FAM135B: variants seen among roughly 807,000 people sequenced by gnomAD.
The protein encoded by FAM135B is protein FAM135B.
A neutral mutation model predicts 127.7 loss-of-function variants in FAM135B; 43 were observed. That is an observed-to-expected ratio of 0.34 (90% confidence interval 0.26 to 0.43). The LOEUF (loss-of-function observed/expected upper bound fraction) is 0.43. FAM135B is among the 20% of genes least tolerant of loss of function. The probability of loss-of-function intolerance (pLI) is 1.00; values close to 1 mark genes in which losing one functional copy is unlikely to be tolerated. For synonymous variants in FAM135B, 670 were observed against 665.1 expected (o/e 1.01, Z -0.11); for missense variants, 1,558 against 1,725.6 (o/e 0.90, Z 1.72).
In FAM135B at chr8:138,287,711, C is replaced by G. The variant is rs1824805502; in HGVS notation, c.158-21869G>C. ...CAGCCCCACCATGGCCAATTTAAAG[C>G]TACTGAAATGAAGTCACTAAAGGAG... is the stretch of plus-strand genomic sequence containing the variant. On this transcript the variant is annotated intron_variant, in intron 3 of 19. Coordinates refer to ENST00000395297, the MANE Select transcript of FAM135B (RefSeq NM_015912.4). Among the ~76,000 whole-genome samples the G allele has an allele frequency of 2.6e-5, 4 of 152,162 alleles. No individual in the cohort carries two copies. The South Asian group carries it at 8.3e-4, about 31-fold the overall frequency.
intron 1 of FAM135B, among the ~76,000 whole-genome samples, chr8:138,418,387 A>C (rs1415435235): frequency 6.6e-6 from 1 of 152,158 alleles, no homozygotes; most frequent in African/African-American, 2.4e-5. Context: ...ATTGTCCATA[A>C]AATTTCCCCA....
chr8:138,487,136 A>G (rs998377417), intron 1 of FAM135B, among the ~76,000 whole-genome samples: 1 of 152,104 alleles, frequency 6.6e-6, no homozygotes, highest in African/African-American at 2.4e-5. Flanking sequence ...GCCTCACTCT[A>G]AAGGTTGCGA....
chr8:138,202,638 G>C (rs935990706), intron 7 of FAM135B, among the ~76,000 whole-genome samples: 2 of 152,176 alleles, frequency 1.3e-5, no homozygotes, highest in Admixed American at 1.3e-4. Flanking sequence ...CACCTGAAAA[G>C]AGGGCACAGT....
chr8:138,187,425 G>A (rs1815682817), intron 9 of FAM135B, among the ~76,000 whole-genome samples: 1 of 152,150 alleles, frequency 6.6e-6, no homozygotes, highest in Admixed American at 6.5e-5. Context: ...TATTCTCTGT[G>A]AGAGAGACTT....
At chr8:138,457,926 G>C (rs1836886838) in intron 1 of FAM135B, among the ~76,000 whole-genome samples, 1 of 149,412 alleles carries the variant, frequency 6.7e-6, no homozygotes, top group South Asian at 2.1e-4. Context: ...GCAGTGAACT[G>C]AGATTCCGCC....
In FAM135B at chr8:138,215,495, C is replaced by A. The variant is rs182842789; in HGVS notation, c.670-17826G>T. On this transcript the variant is annotated intron_variant, in intron 7 of 19. Transcript: ENST00000395297. ...ATTACATAGCAAAGAGAACATTAGA[C>A]TTGGAATCTTGAATCTAGCATCTAA... Among the ~76,000 whole-genome samples, 366 of 152,244 alleles carry A rather than the reference C, an allele frequency of 2.4e-3. 1 individual carries two copies. Among genetic ancestry groups the A allele is most frequent in the Non-Finnish European group, 3.8e-3 (258 of 68,030 alleles).
At chr8:138,417,124 G>C (rs36094077) in intron 1 of FAM135B, among the ~76,000 whole-genome samples, 19,268 of 152,130 alleles carry the variant, frequency 0.13, 1,955 homozygotes, top group East Asian at 0.45. Context: ...ATCCTCCTAG[G>C]CTCACAATAC....
Position 138,243,148 on chromosome 8 carries a change from G to A in FAM135B, c.543-80C>T. On this transcript the variant is annotated intron_variant, in intron 6 of 19. Transcript: ENST00000395297. The surrounding 1 kb of genome is among the most constrained non-coding windows in gnomAD (Gnocchi z 7.5). ...CATTAACTCAGCCCCTTTGAGGAGT[G>A]TTCCTGTGAAGCATTTGGGATAAGT... is the stretch of plus-strand genomic sequence containing the variant. 2.0e-6 allele frequency: 3 copies of A among 1,496,728 alleles called. No individual in the cohort carries two copies. The highest frequency in any genetic ancestry group is 2.7e-6 in the Non-Finnish European group (3 of 1,119,216). 92.7% of individuals were successfully genotyped at this position (1,496,728 alleles called of 1,614,324 possible).
chr8:138,248,874 A>G (rs1821496109), intron 6 of FAM135B, among the ~76,000 whole-genome samples: 1 of 151,846 alleles, frequency 6.6e-6, no homozygotes. Context: ...AGTTCCTTTG[A>G]CTCATTCATT....
intron 17 of FAM135B, 36 bp from the exon 18 acceptor site, chr8:138,139,132 C>G (rs4634694): frequency 7.2e-7 from 1 of 1,383,700 alleles, no homozygotes. Context: ...ATCAAAAACA[C>G]AAAACAAAAC....
chr8:138,146,827 T>C (rs1246196584), intron 14 of FAM135B, among the ~76,000 whole-genome samples: 1 of 152,216 alleles, frequency 6.6e-6, no homozygotes, highest in African/African-American at 2.4e-5. Flanking sequence ...AAAAGTTCCC[T>C]GTACAGTTGA....
intron 5 of FAM135B, among the ~76,000 whole-genome samples, chr8:138,254,896 C>T (rs1446629499): frequency 6.6e-6 from 1 of 152,156 alleles, no homozygotes; most frequent in African/African-American, 2.4e-5. Context: ...CTTCAGTAGA[C>T]ATCCATCTTT....
rs780196566 is a variant in FAM135B at position 138,151,633 on chromosome 8, T to C, written c.2842A>G (p.Arg948Gly). 2 of 1,614,210 alleles carry C rather than the reference T, an allele frequency of 1.2e-6. No individual in the cohort carries two copies. Among genetic ancestry groups the C allele is most frequent in the South Asian group, 2.2e-5 (2 of 91,078 alleles). Reference sequence around the variant, plus strand: ...TGGCTTTGCTGGCCTGTTGAGTTCCTGTTGATGGCATCAGCAGCTGACGTA... The same window carrying C: ...TGGCTTTGCTGGCCTGTTGAGTTCCCGTTGATGGCATCAGCAGCTGACGTA... ...SCTSAADAINRNSTGQQSQSG... is the reference protein window; with the variant it reads ...SCTSAADAINGNSTGQQSQSG... The change falls in exon 13 of 20, where the codon AGG (arginine) becomes GGG (glycine). Residue 948 changes from arginine to glycine, a missense_variant. Physicochemically the swap from Arg to Gly is moderately radical, Grantham distance 125. Transcript: ENST00000395297.
At chr8:138,424,561 T>C (rs1834729336) in intron 1 of FAM135B, among the ~76,000 whole-genome samples, 1 of 152,184 alleles carries the variant, frequency 6.6e-6, no homozygotes, top group Non-Finnish European at 1.5e-5. Context: ...TTTCTATGCA[T>C]TATCTCAATG....
chr8:138,484,427 G>A (rs962648454), intron 1 of FAM135B, among the ~76,000 whole-genome samples: 1 of 152,200 alleles, frequency 6.6e-6, no homozygotes, highest in Non-Finnish European at 1.5e-5. Context: ...AGTGCAGCCG[G>A]GAAGGAATAA....
At chr8:138,373,219 G>A (rs978623427) in intron 1 of FAM135B, among the ~76,000 whole-genome samples, 4 of 152,088 alleles carry the variant, frequency 2.6e-5, no homozygotes, top group African/African-American at 4.8e-5. Context: ...TGGAGGGACC[G>A]GCTGAAGCCA....
At chr8:138,361,861 C>G (rs1260800456) in intron 2 of FAM135B, among the ~76,000 whole-genome samples, 1 of 152,172 alleles carries the variant, frequency 6.6e-6, no homozygotes, top group African/African-American at 2.4e-5. Context: ...TGTTCTGACT[C>G]TGCCTAGAGA....
intron 9 of FAM135B, among the ~76,000 whole-genome samples, chr8:138,182,315 C>T (rs753983350): frequency 3.3e-5 from 5 of 152,154 alleles, no homozygotes; most frequent in African/African-American, 7.2e-5. Flanking sequence ...TCACAGATGG[C>T]GAGCTTGGAA....
intron 1 of FAM135B, among the ~76,000 whole-genome samples, chr8:138,412,341 G>A (rs1833914298): frequency 6.6e-6 from 1 of 152,210 alleles, no homozygotes; most frequent in African/African-American, 2.4e-5. Flanking sequence ...ATCCAGCTAA[G>A]TCACACCCAG....
Sources: allele counts gnomAD v4.1 joint callset (sites outside exome capture counted in the v4.1 genomes callset), GRCh38; gene constraint gnomAD v4.1.1; non-coding constraint Gnocchi (gnomAD v3.1); transcripts MANE v1.5; gene names NCBI Gene and HGNC (gene_info 2026-07-23, HGNC 2026-07-21).